CDKN2A: variants seen among roughly 807,000 people sequenced by gnomAD.
CDKN2A encodes the protein cyclin-dependent kinase inhibitor 2A.
CDKN2A carries 3 observed loss-of-function variants against 11.1 expected under a neutral mutation model. The ratio of observed to expected loss-of-function variants is 0.27; its 90% CI spans 0.12 to 0.70. CDKN2A has a LOEUF of 0.70. Among genes scored for constraint, CDKN2A ranks in the 30% least tolerant of loss-of-function variants. The pLI is 0.77. For synonymous variants in CDKN2A, 122 were observed against 108.1 expected (o/e 1.13, Z -0.80); for missense variants, 265 against 233.6 (o/e 1.13, Z -0.88).
chr9:21,986,763 T>C (rs1455376800), intron 2 of CDKN2A, among the ~76,000 whole-genome samples: 1 of 152,080 alleles, frequency 6.6e-6, no homozygotes. Flanking sequence ...AATAAGCTTT[T>C]AAAAATTAAA....
chr9:21,978,852 C>T (rs534859489), upstream of CDKN2A, among the ~76,000 whole-genome samples: 42 of 152,270 alleles, frequency 2.8e-4, no homozygotes, highest in African/African-American at 9.1e-4. Context: ...AACTGTTCCA[C>T]TTATTGGTTC....
intron 2 of CDKN2A, among the ~76,000 whole-genome samples, chr9:21,981,377 T>TA (rs1820195256): frequency 6.6e-6 from 1 of 151,116 alleles, no homozygotes; most frequent in African/African-American, 2.4e-5. Context: ...CTCCCATAAT[T>TA]AAAGAGAATT....
At chr9:21,994,390 G>A (rs1820541468) in intron 1 of CDKN2A, 3 of 1,607,576 alleles carry the variant, frequency 1.9e-6, no homozygotes, top group Non-Finnish European at 2.5e-6. Context: ...TGGCACCAGA[G>A]GTGAGCAGCG....
intron 2 of CDKN2A, among the ~76,000 whole-genome samples, chr9:21,986,264 G>A (rs1308792825): frequency 6.6e-6 from 1 of 151,956 alleles, no homozygotes; most frequent in Non-Finnish European, 1.5e-5. Flanking sequence ...CCCACTTATT[G>A]CTTTTAAATT....
chr9:21,984,072 A>G (rs183913266), intron 2 of CDKN2A, among the ~76,000 whole-genome samples: 103 of 152,126 alleles, frequency 6.8e-4, no homozygotes, highest in African/African-American at 2.3e-3. Context: ...TTTTGAGAAT[A>G]TATATGACAT....
upstream of CDKN2A, among the ~76,000 whole-genome samples, chr9:21,977,580 T>G (rs3731234): frequency 2.3e-3 from 343 of 152,168 alleles, 1 homozygote; most frequent in African/African-American, 7.9e-3. Context: ...TGGCTAGGCT[T>G]GTCTCGAACT....
At position 21,974,608 on chromosome 9, in the gene CDKN2A, A is replaced by G. The variant is rs531646614; in HGVS notation, c.150+70T>C. Reference sequence around the variant, plus strand: ...AGAATCGAAGCGCTACCTGATTCCAATTCCCCTGCAAACTTCGTCCTCCAG... The same window carrying G: ...AGAATCGAAGCGCTACCTGATTCCAGTTCCCCTGCAAACTTCGTCCTCCAG... On this transcript the variant is annotated intron_variant, in intron 1 of 2. Coordinates refer to ENST00000304494, the MANE Select transcript of CDKN2A (RefSeq NM_000077.5). The surrounding 1 kb of genome is among the most constrained non-coding windows in gnomAD (Gnocchi z 5.2). 4 of 1,614,034 alleles carry G rather than the reference A, an allele frequency of 2.5e-6. No individual in the cohort carries two copies. The highest frequency in any genetic ancestry group is 3.4e-6 in the Non-Finnish European group (4 of 1,179,956).
Position 21,968,382 on chromosome 9 carries a change from A to C in CDKN2A, c.458-140T>G, listed in dbSNP as rs1587325642. The stretch of plus-strand genomic sequence containing the variant: ...TCTCGCAATGGCTTCACGTGCATGT[A>C]CCCGCCGCCACCGCTCTCCCACACC... On this transcript the variant is annotated intron_variant, in intron 2 of 2. Coordinates refer to ENST00000304494, the MANE Select transcript of CDKN2A (RefSeq NM_000077.5). The surrounding 1 kb of genome is among the most constrained non-coding windows in gnomAD (Gnocchi z 4.7). 47 of 1,498,324 alleles carry C rather than the reference A, an allele frequency of 3.1e-5. No individual in the cohort carries two copies. Among genetic ancestry groups the C allele is most frequent in the African/African-American group, 4.2e-5 (3 of 72,234 alleles). 92.8% of individuals were successfully genotyped at this position (1,498,324 alleles called of 1,614,324 possible).
chr9:21,981,250 C>T (rs537563634), intron 2 of CDKN2A, among the ~76,000 whole-genome samples: 11 of 146,930 alleles, frequency 7.5e-5, no homozygotes, highest in Non-Finnish European at 1.2e-4. Flanking sequence ...CTGGGATGAG[C>T]TCTTGAGTGG....
At chr9:21,971,646 CTTGT>C (rs1006904215) in intron 1 of CDKN2A, among the ~76,000 whole-genome samples, 22 of 138,460 alleles carry the variant, frequency 1.6e-4, no homozygotes, top group Admixed American at 2.3e-4. Flanking sequence ...AAAGAGAAAA[CTTGT>C]TTGTTTGTTA....
rs528181459 is a variant in CDKN2A at position 21,972,050 on chromosome 9, T to C, written c.151-842A>G. 3.3e-5 allele frequency among the ~76,000 whole-genome samples: 5 copies of C among 150,698 alleles called. No individual in the cohort carries two copies. The South Asian group carries it at 1.1e-3, about 33-fold the overall frequency. ...GCTCTAGTAACCACCATTCTACTCTTTACTGCTAAGAATGTAATTGTTTTA... is the reference window on the plus strand; with the variant it reads ...GCTCTAGTAACCACCATTCTACTCTCTACTGCTAAGAATGTAATTGTTTTA... On this transcript the variant is annotated intron_variant, in intron 1 of 2. Coordinates refer to ENST00000304494, the MANE Select transcript of CDKN2A (RefSeq NM_000077.5).
chr9:21,992,276 C>T (rs776474429), intron 2 of CDKN2A: 20 of 914,910 alleles, frequency 2.2e-5, no homozygotes, highest in South Asian at 5.0e-5. Context: ...TCAATATAGC[C>T]ATGGGCATAA....
intron 2 of CDKN2A, among the ~76,000 whole-genome samples, chr9:21,992,922 A>G (rs1191179836): frequency 6.6e-6 from 1 of 152,180 alleles, no homozygotes; most frequent in Non-Finnish European, 1.5e-5. Flanking sequence ...ATCCTTTATA[A>G]GCTCCTTTGA....
chr9:21,978,503 T>C (rs1397071576), upstream of CDKN2A, among the ~76,000 whole-genome samples: 3 of 152,186 alleles, frequency 2.0e-5, no homozygotes, highest in Non-Finnish European at 4.4e-5. Context: ...CCATAAAATA[T>C]GATAATGTAT....
chr9:21,987,428 CACACAGAGAGAGAGAGAGAG>C (rs1452590048), intron 2 of CDKN2A, among the ~76,000 whole-genome samples: 6 of 121,140 alleles, frequency 5.0e-5, no homozygotes, highest in Non-Finnish European at 8.9e-5. Flanking sequence ...CACACACACA[CACACAGAGAGAGAGAGAGAG>C]AGAGAGAGAT....
At chr9:21,980,565 G>C (rs1820146173) in intron 2 of CDKN2A, among the ~76,000 whole-genome samples, 1 of 152,128 alleles carries the variant, frequency 6.6e-6, no homozygotes, top group African/African-American at 2.4e-5. Context: ...AAGAGTAACT[G>C]AGTACCTAAT....
chr9:21,987,581 G>T (rs1820332400), intron 2 of CDKN2A, among the ~76,000 whole-genome samples: 1 of 151,820 alleles, frequency 6.6e-6, no homozygotes, highest in East Asian at 1.9e-4. Context: ...AATATATCTT[G>T]TTATATTTTT....
rs1304885722 is a variant in CDKN2A at position 21,991,263 on chromosome 9, A to C, written c.-4+2619T>G. ...AGGATGGTTTTGAATGCTGCCCAAC[A>C]CAAATTCATACACTTTCTTAAAGTA... On this transcript the variant is annotated intron_variant, in intron 2 of 3. Coordinates refer to the CDKN2A transcript ENST00000494262. The surrounding 1 kb of genome is among the most constrained non-coding windows in gnomAD (Gnocchi z 5.2). 2.0e-5 allele frequency among the ~76,000 whole-genome samples: 3 copies of C among 151,376 alleles called. No individual in the cohort carries two copies. The highest frequency in any genetic ancestry group is 7.3e-5 in the African/African-American group (3 of 41,144).
intron 1 of CDKN2A, 75 bp from the exon 2 acceptor site, chr9:21,971,283 C>T (rs1187871252): frequency 6.5e-6 from 10 of 1,544,358 alleles, no homozygotes; most frequent in Non-Finnish European, 8.7e-6. Flanking sequence ...GTAGAGCCCC[C>T]TCACCGCCAA....
Sources: gnomAD v4.1 joint callset for allele counts (sites outside exome capture counted in the v4.1 genomes callset) on GRCh38, gnomAD v4.1.1 for gene constraint, Gnocchi (gnomAD v3.1) non-coding constraint, MANE v1.5 for transcripts, NCBI Gene and HGNC (gene_info 2026-07-23, HGNC 2026-07-21) for gene names.